Variants in CDH18 observed in about 807,000 individuals in gnomAD.
CDH18 encodes cadherin 18, also known as cadherin-18.
A neutral mutation model predicts 67.9 loss-of-function variants in CDH18; 31 were observed. The ratio of observed to expected loss-of-function variants is 0.46; its 90% CI spans 0.34 to 0.62. The LOEUF is 0.62. Ranked by LOEUF, CDH18 falls within the 20% of genes least tolerant of loss-of-function variation. The probability of loss-of-function intolerance (pLI) is 0.01; values close to 1 mark genes in which losing one functional copy is unlikely to be tolerated. For synonymous variants in CDH18, 362 were observed against 347.2 expected, an observed-to-expected ratio of 1.04 and a Z score of -0.48; for missense variants, 890 against 975.5, an observed-to-expected ratio of 0.91 and a Z score of 1.17.
chr5:20,400,635 G>T (rs35887342), intron 1 of CDH18, among the ~76,000 whole-genome samples: 2 of 148,688 alleles, frequency 1.3e-5, no homozygotes, highest in African/African-American at 5.0e-5. Flanking sequence ...GGTGGCACAC[G>T]CCTGTAATCC....
At chr5:20,185,181 T>C (rs746951770) in intron 2 of CDH18, among the ~76,000 whole-genome samples, 1 of 152,068 alleles carries the variant, frequency 6.6e-6, no homozygotes, top group Non-Finnish European at 1.5e-5. Flanking sequence ...TCAAATTCAA[T>C]AGGAAATCCT....
intron 1 of CDH18, among the ~76,000 whole-genome samples, chr5:20,413,286 C>T (rs1746960907): frequency 6.6e-6 from 1 of 152,114 alleles, no homozygotes; most frequent in Admixed American, 6.6e-5. Context: ...GTTCATGTGT[C>T]TTTATAGTAG....
At chr5:19,635,657 T>C (rs1260362657) in intron 5 of CDH18, among the ~76,000 whole-genome samples, 1 of 152,176 alleles carries the variant, frequency 6.6e-6, no homozygotes, top group African/African-American at 2.4e-5. Context: ...GAGTATAAAT[T>C]CTTAGAATGC....
intron 2 of CDH18, among the ~76,000 whole-genome samples, chr5:20,134,179 C>T (rs539521722): frequency 1.3e-5 from 2 of 152,190 alleles, no homozygotes; most frequent in South Asian, 2.1e-4. Flanking sequence ...CCATGTTGGC[C>T]GCACTGGTCT....
At position 19,529,198 on chromosome 5, in the gene CDH18, A is replaced by G. The variant is rs1428131822; in HGVS notation, c.1391-8420T>C. 2.0e-5 allele frequency among the ~76,000 whole-genome samples: 3 copies of G among 152,154 alleles called. No homozygotes were observed. The East Asian group carries it at 5.8e-4, about 29-fold the overall frequency. ...GTGAGGGATATCCTAGGAAAAGAAG[A>G]CTGGTTGTTTAACATTTAAAAATCA... is the stretch of plus-strand genomic sequence containing the variant. On this transcript the variant is annotated intron_variant, in intron 9 of 12. Transcript: ENST00000382275.
At position 19,839,411 on chromosome 5, in the gene CDH18, T is replaced by C. The variant is rs181863353; in HGVS notation, c.-256-169A>G. 3.3e-3 allele frequency among the ~76,000 whole-genome samples: 507 copies of C among 152,354 alleles called. 6 individuals carry two copies. The highest frequency in any genetic ancestry group is 4.5e-3 in the Non-Finnish European group (306 of 68,034). The stretch of plus-strand genomic sequence containing the variant: ...ACACCTATATGTCTACATGCATTTT[T>C]ACATGAACCTTCCTGTCTGTACCAT... On this transcript the variant is annotated intron_variant, in intron 2 of 12. Coordinates refer to ENST00000382275, the MANE Select transcript of CDH18 (RefSeq NM_004934.5).
At chr5:19,644,835 T>A (rs1754501418) in intron 5 of CDH18, among the ~76,000 whole-genome samples, 1 of 152,114 alleles carries the variant, frequency 6.6e-6, no homozygotes, top group Non-Finnish European at 1.5e-5. Flanking sequence ...AGATTTCAGA[T>A]GGATAATGTG....
chr5:20,203,661 C>CAAAAGGAAAATAAA, intron 2 of CDH18, among the ~76,000 whole-genome samples: 1 of 149,154 alleles, frequency 6.7e-6, no homozygotes, highest in African/African-American at 2.5e-5. Flanking sequence ...AAAAAAAAGC[C>CAAAAGGAAAATAAA]AGACAGAGAA....
At chr5:20,193,119 A>C (rs1738680073) in intron 2 of CDH18, among the ~76,000 whole-genome samples, 1 of 152,076 alleles carries the variant, frequency 6.6e-6, no homozygotes, top group African/African-American at 2.4e-5. Context: ...GCAATTGTGA[A>C]TGGGAGTTCA....
At chr5:19,688,038 G>A (rs1371553213) in intron 5 of CDH18, among the ~76,000 whole-genome samples, 1 of 152,110 alleles carries the variant, frequency 6.6e-6, no homozygotes, top group African/African-American at 2.4e-5. Flanking sequence ...TCTTTCTGAG[G>A]GCCTGAGGAT....
At chr5:20,021,746 A>T (rs1484806950) in intron 2 of CDH18, among the ~76,000 whole-genome samples, 2 of 151,886 alleles carry the variant, frequency 1.3e-5, no homozygotes, top group Admixed American at 6.6e-5. Flanking sequence ...GTCAATTAAA[A>T]CTCTTTTCTT....
intron 2 of CDH18, among the ~76,000 whole-genome samples, chr5:19,926,536 T>C (rs1793106008): frequency 6.6e-6 from 1 of 151,998 alleles, no homozygotes; most frequent in Non-Finnish European, 1.5e-5. Context: ...CTGAAGTTAA[T>C]ATAAGGCTAA....
intron 3 of CDH18, among the ~76,000 whole-genome samples, chr5:19,823,138 T>C (rs1022748424): frequency 1.3e-5 from 2 of 152,198 alleles, no homozygotes; most frequent in African/African-American, 4.8e-5. Context: ...GCTGTTAACC[T>C]GTTCTTTTTT....
chr5:20,109,737 C>T (rs1747289689), intron 2 of CDH18, among the ~76,000 whole-genome samples: 2 of 152,184 alleles, frequency 1.3e-5, no homozygotes, highest in South Asian at 4.1e-4. Flanking sequence ...GTTTGTTTTG[C>T]TTTTGCAACA....
chr5:19,612,651 T>A (rs1029910544), intron 5 of CDH18, 50 bp from the exon 6 acceptor site: 3 of 1,370,300 alleles, frequency 2.2e-6, no homozygotes, highest in Non-Finnish European at 3.1e-6. Context: ...AATAAGCAAG[T>A]ATCAACAAAC....
intron 1 of CDH18, among the ~76,000 whole-genome samples, chr5:20,531,540 A>G (rs1398157701): frequency 6.6e-6 from 1 of 152,080 alleles, no homozygotes; most frequent in African/African-American, 2.4e-5. Flanking sequence ...CATATACACC[A>G]TGGAATACCA....
chr5:20,521,485 A>C (rs940108443), intron 1 of CDH18, among the ~76,000 whole-genome samples: 1 of 152,142 alleles, frequency 6.6e-6, no homozygotes, highest in South Asian at 2.1e-4. Flanking sequence ...ACTTGACTGG[A>C]GTTATTTTGA....
rs570312232 is a variant in CDH18 at position 20,252,719 on chromosome 5, C to T, written c.-518+2725G>A. ...TTAAGAGGCAGAGGCGGGCGGATCA[C>T]GAGGCCAGGAGATGGAGACCACCCT... On this transcript the variant is annotated intron_variant, in intron 2 of 14. Coordinates refer to the CDH18 transcript ENST00000507958. Among the ~76,000 whole-genome samples the T allele has an allele frequency of 7.2e-5, 11 of 151,964 alleles. No individual in the cohort carries two copies. In the South Asian group the frequency reaches 2.1e-3, roughly 29 times the overall value.
intron 8 of CDH18, among the ~76,000 whole-genome samples, chr5:19,552,886 A>G (rs1737714704): frequency 6.6e-6 from 1 of 152,096 alleles, no homozygotes; most frequent in Admixed American, 6.6e-5. Flanking sequence ...TTATTTCTAC[A>G]CCACTCTTTG....
Sources: allele counts gnomAD v4.1 joint callset (sites outside exome capture counted in the v4.1 genomes callset), GRCh38; gene constraint gnomAD v4.1.1; transcripts MANE v1.5; gene names NCBI Gene and HGNC (gene_info 2026-07-23, HGNC 2026-07-21).